Variants in DEPTOR observed in about 807,000 individuals in gnomAD.
DEPTOR encodes the protein DEP domain containing MTOR interacting protein.
In DEPTOR, 41 loss-of-function variants were observed where a neutral mutation model predicts 41.6. That is an observed-to-expected ratio of 0.98 (90% CI 0.77 to 1.28). The LOEUF (loss-of-function observed/expected upper bound fraction) is 1.28. Among genes scored for constraint, DEPTOR ranks in the 50% most tolerant of loss-of-function variants. The probability of loss-of-function intolerance (pLI) is 0.00; values close to 1 mark genes in which losing one functional copy is unlikely to be tolerated. For synonymous variants in DEPTOR, 195 were observed against 192.3 expected (o/e 1.01, Z -0.12); for missense variants, 514 against 527.9 (o/e 0.97, Z 0.26).
chr8:119,878,580 G>A (rs1827258722), intron 1 of DEPTOR, among the ~76,000 whole-genome samples: 1 of 151,754 alleles, frequency 6.6e-6, no homozygotes, highest in African/African-American at 2.4e-5. Flanking sequence ...GCCCGCCTCG[G>A]CCTCCCAAAG....
intron 3 of DEPTOR, among the ~76,000 whole-genome samples, chr8:119,948,271 G>A (rs68097758): frequency 0.26 from 39,896 of 151,988 alleles, 5,515 homozygotes; most frequent in South Asian, 0.34. Flanking sequence ...AAATGGTCTA[G>A]GCATCATGGC....
intron 2 of DEPTOR, 76 bp downstream of exon 2, chr8:119,928,654 G>A: frequency 6.8e-7 from 1 of 1,475,336 alleles, no homozygotes; most frequent in Non-Finnish European, 9.1e-7. Context: ...ACCCACTTAA[G>A]AAAGAAAACA....
chr8:119,982,955 AAG>A (rs1828786240), intron 4 of DEPTOR, among the ~76,000 whole-genome samples: 3 of 152,210 alleles, frequency 2.0e-5, no homozygotes. Flanking sequence ...AGGAGGAAGA[AAG>A]AGAGATTGGG....
chr8:119,904,410 C>T (rs756521234), intron 1 of DEPTOR, among the ~76,000 whole-genome samples: 14 of 149,236 alleles, frequency 9.4e-5, no homozygotes, highest in African/African-American at 3.0e-4. Flanking sequence ...TGAGCCACTG[C>T]GCCCGGCGTA....
intron 4 of DEPTOR, among the ~76,000 whole-genome samples, chr8:119,971,005 C>T (rs910380847): frequency 5.9e-5 from 9 of 152,004 alleles, no homozygotes; most frequent in Non-Finnish European, 8.8e-5. Flanking sequence ...CCAAGGCGGG[C>T]GGATCACAAG....
intron 8 of DEPTOR, among the ~76,000 whole-genome samples, chr8:120,040,193 A>G (rs1813041057): frequency 6.6e-6 from 1 of 152,184 alleles, no homozygotes; most frequent in African/African-American, 2.4e-5. Flanking sequence ...TTCTTCTTGC[A>G]TGAGGCAGTT....
intron 4 of DEPTOR, among the ~76,000 whole-genome samples, chr8:119,972,100 T>A (rs1446776725): frequency 6.6e-6 from 1 of 152,144 alleles, no homozygotes; most frequent in African/African-American, 2.4e-5. Flanking sequence ...TGCACAGAAT[T>A]GTTGGGAGAA....
At chr8:119,926,239 A>T (rs1827962253) in intron 1 of DEPTOR, among the ~76,000 whole-genome samples, 1 of 152,212 alleles carries the variant, frequency 6.6e-6, no homozygotes, top group Non-Finnish European at 1.5e-5. Context: ...GGCTCCAAGC[A>T]CATGGGTTGA....
rs144406856 is a variant in DEPTOR at position 119,913,668 on chromosome 8, G to A, written c.123-14732G>A. On this transcript the variant is annotated intron_variant, in intron 1 of 8. Coordinates refer to ENST00000286234, the MANE Select transcript of DEPTOR (RefSeq NM_022783.4). Reference sequence around the variant, plus strand: ...CATCAGGGTGTCCATAAAAACCTGAGAAGTTTGAGTTGAGAGATTTTAGAG... The same window carrying A: ...CATCAGGGTGTCCATAAAAACCTGAAAAGTTTGAGTTGAGAGATTTTAGAG... Among the ~76,000 whole-genome samples the A allele has an allele frequency of 4.6e-4, 70 of 152,292 alleles. 1 individual carries two copies. The East Asian group carries it at 0.013, about 29-fold the overall frequency.
At chr8:119,888,805 G>A (rs1827407837) in intron 1 of DEPTOR, among the ~76,000 whole-genome samples, 1 of 129,730 alleles carries the variant, frequency 7.7e-6, no homozygotes, top group Non-Finnish European at 1.5e-5. Flanking sequence ...GCAGTGAGCA[G>A]AGATTATGCC....
chr8:119,898,229 C>T (rs1827544826), intron 1 of DEPTOR, among the ~76,000 whole-genome samples: 2 of 152,076 alleles, frequency 1.3e-5, no homozygotes, highest in Admixed American at 6.6e-5. Flanking sequence ...TCATAGAAAA[C>T]CTTTGCCAAC....
At chr8:119,991,826 A>G (rs16893384) in intron 4 of DEPTOR, among the ~76,000 whole-genome samples, 4,817 of 152,300 alleles carry the variant, frequency 0.032, 168 homozygotes, top group African/African-American at 0.087. Context: ...CATGATTAAA[A>G]AGCATGTTAT....
rs1296837413 is a variant in DEPTOR, at chr8:119,976,680, A to C, written c.604+11270A>C. 2.0e-5 allele frequency among the ~76,000 whole-genome samples: 3 copies of C among 152,194 alleles called. No individual in the cohort carries two copies. The East Asian group carries it at 5.8e-4, about 29-fold the overall frequency. On this transcript the variant is annotated intron_variant, in intron 4 of 8. Transcript: ENST00000286234. ...TAATCCCTTCCAGCCACCTATGGCC[A>C]GGTGAATCAGCTCTGTTTTCTGCAT...
chr8:119,949,781 G>A (rs1828329268), intron 3 of DEPTOR, among the ~76,000 whole-genome samples: 1 of 152,150 alleles, frequency 6.6e-6, no homozygotes, highest in Non-Finnish European at 1.5e-5. Context: ...CCGGGTTCAA[G>A]CAATTCTCCT....
chr8:119,888,297 T>C (rs1827399855), intron 1 of DEPTOR, among the ~76,000 whole-genome samples: 1 of 152,218 alleles, frequency 6.6e-6, no homozygotes, highest in East Asian at 1.9e-4. Context: ...TCTGAAATTA[T>C]ACTGCTTCCT....
chr8:119,940,512 A>G (rs11786315), intron 3 of DEPTOR, among the ~76,000 whole-genome samples: 46,135 of 152,006 alleles, frequency 0.3, 7,433 homozygotes, highest in South Asian at 0.41. Context: ...TTGGGAGGCC[A>G]AGGTGGGTGG....
chr8:119,939,992 C>A (rs1487877430), intron 3 of DEPTOR, among the ~76,000 whole-genome samples: 1 of 150,786 alleles, frequency 6.6e-6, no homozygotes, highest in Non-Finnish European at 1.5e-5. Context: ...CCGAGGCAGG[C>A]AGATCACCTG....
chr8:119,998,100 C>T (rs1179775221), intron 4 of DEPTOR, among the ~76,000 whole-genome samples: 1 of 151,972 alleles, frequency 6.6e-6, no homozygotes, highest in Non-Finnish European at 1.5e-5. Context: ...GATCAAACAA[C>T]AAAAAAATAG....
chr8:119,911,600 G>A (rs1827744445), intron 1 of DEPTOR, among the ~76,000 whole-genome samples: 1 of 152,148 alleles, frequency 6.6e-6, no homozygotes, highest in South Asian at 2.1e-4. Flanking sequence ...TTACAGGCCT[G>A]AGCCACCGTG....
Sources: allele counts gnomAD v4.1 joint callset (sites outside exome capture counted in the v4.1 genomes callset), GRCh38; gene constraint gnomAD v4.1.1; transcripts MANE v1.5; gene names NCBI Gene and HGNC (gene_info 2026-07-23, HGNC 2026-07-21).